RAD23B: variants seen among roughly 807,000 people sequenced by gnomAD.
RAD23B encodes lysine-specific demethylase RAD23B.
In RAD23B, 5 loss-of-function variants were observed where a neutral mutation model predicts 49.1. That is an observed-to-expected ratio of 0.10 (90% CI 0.05 to 0.21). The LOEUF (loss-of-function observed/expected upper bound fraction) is 0.21, where lower values mean the gene tolerates loss of function less well. RAD23B is among the 10% of genes least tolerant of loss of function. The pLI, the probability that RAD23B is intolerant of heterozygous loss-of-function variation, is 1.00. For synonymous variants in RAD23B, 184 were observed against 165.4 expected (o/e 1.11, Z -0.86); for missense variants, 356 against 486.7 (o/e 0.73, Z 2.53).
chr9:107,331,523 A>C lies in RAD23B; in HGVS notation c.*1867A>C. ...TTACCTGTATGTTTTATAATGGATC[A>C]TGCATAATTTCTCAGGAGAATAAAA... On this transcript the variant is annotated 3_prime_UTR_variant, in exon 10 of 10. Coordinates refer to ENST00000358015, the MANE Select transcript of RAD23B (RefSeq NM_002874.5). 9.9e-6 allele frequency: 6 copies of C among 607,054 alleles called. No individual in the cohort carries two copies. Among genetic ancestry groups the C allele is most frequent in the Non-Finnish European group, 1.8e-5 (6 of 341,386 alleles). 37.6% of individuals were successfully genotyped at this position (607,054 alleles called of 1,614,324 possible). A position where few individuals can be genotyped will look rare whatever the true frequency, so the allele number is the denominator to read the frequency against.
rs1211043606 is a variant in RAD23B at position 107,332,150 on chromosome 9, T to C, written c.*2494T>C. On this transcript the variant is annotated 3_prime_UTR_variant, in exon 10 of 10. Transcript: ENST00000358015. ...ATAATTTTTTCCTGTACTGGATGGC[T>C]AGGATTCTAGAGAATTGATTATAAA... is the stretch of plus-strand genomic sequence containing the variant. The C allele has an allele frequency of 5.7e-6, 1 of 174,412 alleles. No homozygotes were observed. The highest frequency in any genetic ancestry group is 1.2e-5 in the Non-Finnish European group (1 of 83,240). The allele number at this position is 174,412 out of a possible 1,614,324, so 10.8% of individuals were successfully genotyped here. A position where few individuals can be genotyped will look rare whatever the true frequency, so the allele number is the denominator to read the frequency against.
chr9:107,324,822 A>G lies in RAD23B; in HGVS notation c.946-12A>G, dbSNP rs759037086. 4 of 1,589,132 alleles carry G rather than the reference A, an allele frequency of 2.5e-6. No homozygotes were observed. The highest frequency in any genetic ancestry group is 1.8e-5 in the Admixed American group (1 of 55,442). On this transcript the variant is annotated splice_polypyrimidine_tract_variant and intron_variant, in intron 8 of 9. Coordinates refer to ENST00000358015, the MANE Select transcript of RAD23B (RefSeq NM_002874.5). Reference sequence around the variant, plus strand: ...AGTGTATTATTTTTCTCTGTCCTTCATATCACCACAGCAAATTAGCCAACA... The same window carrying G: ...AGTGTATTATTTTTCTCTGTCCTTCGTATCACCACAGCAAATTAGCCAACA...
chr9:107,284,133 GAGA>G, intron 1 of RAD23B: 1 of 992,350 alleles, frequency 1.0e-6, no homozygotes. Flanking sequence ...TTGGTAACCC[GAGA>G]AGATGAGCCT....
At chr9:107,292,899 AACAAATT>A (rs1833411935) in intron 1 of RAD23B, among the ~76,000 whole-genome samples, 1 of 152,168 alleles carries the variant, frequency 6.6e-6, no homozygotes, top group Non-Finnish European at 1.5e-5. Context: ...ATTACTGCAT[AACAAATT>A]ACCCCAAAAC....
chr9:107,289,399 T>C (rs1450108042), intron 1 of RAD23B, among the ~76,000 whole-genome samples: 1 of 152,058 alleles, frequency 6.6e-6, no homozygotes, highest in Non-Finnish European at 1.5e-5. Flanking sequence ...TTATCCAGGC[T>C]GGTCTCCAAC....
At chr9:107,306,089 AT>A (rs1587854671) in intron 3 of RAD23B, among the ~76,000 whole-genome samples, 218 of 130,172 alleles carry the variant, frequency 1.7e-3, no homozygotes, top group Middle Eastern at 4.1e-3. Context: ...ATCTATATAT[AT>A]TTCAAATTTT....
At chr9:107,326,866 CAT>C (rs1827216379) in intron 9 of RAD23B, among the ~76,000 whole-genome samples, 1 of 151,844 alleles carries the variant, frequency 6.6e-6, no homozygotes, top group South Asian at 2.1e-4. Flanking sequence ...GTCTCGATCT[CAT>C]GACTTCGTGA....
rs76037002 is a variant in RAD23B, at chr9:107,314,466, T to C, written c.553+2729T>C. On this transcript the variant is annotated intron_variant, in intron 5 of 9. Coordinates refer to ENST00000358015, the MANE Select transcript of RAD23B (RefSeq NM_002874.5). ...TTGACTGTTACTGAGTTATTTCATTTAGGATAGTGGCCTCTGTAGTTCTAT... is the reference window on the plus strand; with the variant it reads ...TTGACTGTTACTGAGTTATTTCATTCAGGATAGTGGCCTCTGTAGTTCTAT... Among the ~76,000 whole-genome samples the C allele has an allele frequency of 5.8e-3, 884 of 152,342 alleles. 7 individuals are homozygous for C. The highest frequency in any genetic ancestry group is 0.02 in the African/African-American group (834 of 41,584).
At chr9:107,286,593 A>G (rs1319811088) in intron 1 of RAD23B, among the ~76,000 whole-genome samples, 1 of 152,182 alleles carries the variant, frequency 6.6e-6, no homozygotes, top group African/African-American at 2.4e-5. Context: ...AAAATATTCA[A>G]ACAATATAGA....
Position 107,331,402 on chromosome 9 carries a change from C to T in RAD23B, c.*1746C>T. The T allele has an allele frequency of 3.0e-6, 1 of 338,920 alleles. No individual in the cohort carries two copies. The allele number at this position is 338,920 out of a possible 1,614,324, so 21.0% of individuals were successfully genotyped here. On this transcript the variant is annotated 3_prime_UTR_variant, in exon 10 of 10. Transcript: ENST00000358015. Reference sequence around the variant, plus strand: ...CCTGTGGTCCCAGCTACTTGGGAGGCTGAGGCATGAGAATTGCTTGAACCC... The same window carrying T: ...CCTGTGGTCCCAGCTACTTGGGAGGTTGAGGCATGAGAATTGCTTGAACCC...
intron 7 of RAD23B, 101 bp from the exon 8 acceptor site, chr9:107,323,789 C>A: frequency 1.8e-6 from 2 of 1,107,986 alleles, no homozygotes; most frequent in Non-Finnish European, 2.7e-6. Flanking sequence ...GAACTCAAAT[C>A]ATTTTTTCTT....
chr9:107,292,492 A>G (rs937404270), intron 1 of RAD23B, among the ~76,000 whole-genome samples: 4 of 152,066 alleles, frequency 2.6e-5, no homozygotes, highest in Admixed American at 1.3e-4. Flanking sequence ...CCTCCTGGCC[A>G]ATGTGATGAA....
Position 107,300,128 on chromosome 9 carries a change from A to G in RAD23B, c.67-13A>G, listed in dbSNP as rs1826620086. 1 of 1,588,856 alleles carries G rather than the reference A, an allele frequency of 6.3e-7. No individual in the cohort carries two copies. The highest frequency in any genetic ancestry group is 8.5e-7 in the Non-Finnish European group (1 of 1,171,464). ...TAGACTTTTTCCAAAACAAATCTTT[A>G]TTTTTCCTATAGGTGAAAGCACTGA... On this transcript the variant is annotated splice_polypyrimidine_tract_variant and intron_variant, in intron 1 of 9. Transcript: ENST00000358015.
At chr9:107,298,731 A>G (rs1564242771) in intron 1 of RAD23B, among the ~76,000 whole-genome samples, 3 of 151,728 alleles carry the variant, frequency 2.0e-5, no homozygotes, top group African/African-American at 7.3e-5. Flanking sequence ...AATAAATATT[A>G]TACTTACTTT....
At chr9:107,327,147 G>T (rs1827221615) in intron 9 of RAD23B, among the ~76,000 whole-genome samples, 1 of 151,884 alleles carries the variant, frequency 6.6e-6, no homozygotes, top group Non-Finnish European at 1.5e-5. Context: ...TTTCCCTTCA[G>T]TTTAGCTAAA....
rs1833198067 is a variant in RAD23B, at chr9:107,283,472, G to A, written c.-158G>A. ...GTCCGGGGCACGGGCTGGGGGAGAGGCCGCTCCGCTGGGCGAATGTGACAA... is the reference window on the plus strand; with the variant it reads ...GTCCGGGGCACGGGCTGGGGGAGAGACCGCTCCGCTGGGCGAATGTGACAA... On this transcript the variant is annotated 5_prime_UTR_variant, in exon 1 of 10. Coordinates refer to ENST00000358015, the MANE Select transcript of RAD23B (RefSeq NM_002874.5). 3 of 502,500 alleles carry A rather than the reference G, an allele frequency of 6.0e-6. No individual in the cohort carries two copies. Among genetic ancestry groups the A allele is most frequent in the Non-Finnish European group, 1.0e-5 (3 of 300,690 alleles). 31.1% of individuals were successfully genotyped at this position (502,500 alleles called of 1,614,324 possible).
chr9:107,315,989 T>C (rs930189820), intron 5 of RAD23B, among the ~76,000 whole-genome samples: 17 of 152,106 alleles, frequency 1.1e-4, no homozygotes, highest in African/African-American at 3.9e-4. Flanking sequence ...TTTGTATCTC[T>C]GCACCATGAC....
chr9:107,297,513 G>A (rs1036982399), intron 1 of RAD23B, among the ~76,000 whole-genome samples: 1 of 151,796 alleles, frequency 6.6e-6, no homozygotes, highest in African/African-American at 2.4e-5. Context: ...GCTAATTTTT[G>A]TATTTTTAGT....
intron 3 of RAD23B, 22 bp downstream of exon 3, chr9:107,302,136 T>C (rs754454776): frequency 6.2e-7 from 1 of 1,610,734 alleles, no homozygotes; most frequent in Admixed American, 1.7e-5. Context: ...CCTCATTCTG[T>C]ATATCTTTAT....
Sources: gnomAD v4.1 joint callset for allele counts (sites outside exome capture counted in the v4.1 genomes callset) on GRCh38, gnomAD v4.1.1 for gene constraint, MANE v1.5 for transcripts, NCBI Gene and HGNC (gene_info 2026-07-23, HGNC 2026-07-21) for gene names.